CAST: variants seen among roughly 807,000 people sequenced by gnomAD.
The protein encoded by CAST is MIR583 host.
In CAST, 76 loss-of-function variants were observed where a neutral mutation model predicts 119.6. The observed-to-expected ratio is 0.64, with a 90% CI of 0.53 to 0.77. The LOEUF is 0.77. Ranked by LOEUF, CAST falls within the 30% of genes least tolerant of loss-of-function variation. The pLI is 0.00. For synonymous variants in CAST, 319 were observed against 331.6 expected (o/e 0.96, Z 0.41); for missense variants, 953 against 946.5 (o/e 1.01, Z -0.09).
intron 3 of CAST, among the ~76,000 whole-genome samples, chr5:96,713,385 C>T (rs975673718): frequency 2.0e-5 from 3 of 152,068 alleles, no homozygotes; most frequent in Admixed American, 6.6e-5. Context: ...CCCACCTCAG[C>T]CTCCCGAAGT....
chr5:96,712,317 CT>C (rs887300795), intron 3 of CAST, among the ~76,000 whole-genome samples: 1 of 152,054 alleles, frequency 6.6e-6, no homozygotes, highest in Non-Finnish European at 1.5e-5. Context: ...CATGACACAA[CT>C]TTTTTTCTTT....
the CAST span, among the ~76,000 whole-genome samples, chr5:96,390,055 T>C: frequency 6.6e-6 from 1 of 152,252 alleles, no homozygotes; most frequent in African/African-American, 2.4e-5. Context: ...ATGTTGGGAA[T>C]CATTTCTCTT....
At chr5:96,670,138 T>C (rs1179004569) in intron 1 of CAST, among the ~76,000 whole-genome samples, 2 of 152,086 alleles carry the variant, frequency 1.3e-5, no homozygotes, top group Non-Finnish European at 2.9e-5. Context: ...AAGATAACCT[T>C]TTATTGCTCC....
the CAST span, among the ~76,000 whole-genome samples, chr5:96,259,545 G>C: frequency 1.3e-5 from 2 of 152,166 alleles, no homozygotes; most frequent in African/African-American, 4.8e-5. Flanking sequence ...TGAAGCCATA[G>C]TTTTTGGAAG....
chr5:96,006,330 G>A, the CAST span, among the ~76,000 whole-genome samples: 1 of 150,884 alleles, frequency 6.6e-6, no homozygotes, highest in South Asian at 2.1e-4. Flanking sequence ...TGGGCCACAC[G>A]ATATACACTA....
chr5:96,649,494 G>T (rs764732473), intron 1 of CAST, among the ~76,000 whole-genome samples: 2 of 152,160 alleles, frequency 1.3e-5, no homozygotes, highest in African/African-American at 2.4e-5. Flanking sequence ...TGAAGTCAAC[G>T]GGCCTGATTT....
the CAST span, among the ~76,000 whole-genome samples, chr5:96,023,743 C>G: frequency 2.0e-5 from 3 of 151,794 alleles, no homozygotes; most frequent in South Asian, 6.2e-4. Flanking sequence ...TGTTATGAGT[C>G]AAGCTTACAG....
At chr5:96,552,997 A>G (rs1746164822) in intron 1 of CAST, among the ~76,000 whole-genome samples, 1 of 152,204 alleles carries the variant, frequency 6.6e-6, no homozygotes, top group Admixed American at 6.5e-5. Flanking sequence ...AGGAGCTGGT[A>G]TCATTCCTTC....
chr5:96,539,967 G>A (rs918728982), intron 1 of CAST, among the ~76,000 whole-genome samples: 3 of 151,474 alleles, frequency 2.0e-5, no homozygotes, highest in Non-Finnish European at 4.4e-5. Flanking sequence ...TTCTTCTTTG[G>A]TGGCTTATTG....
chr5:95,985,010 T>C, the CAST span, among the ~76,000 whole-genome samples: 1 of 152,226 alleles, frequency 6.6e-6, no homozygotes, highest in Non-Finnish European at 1.5e-5. Flanking sequence ...AAAAAATTTA[T>C]AGTTACCTAT....
chr5:96,206,939 A>G, the CAST span, among the ~76,000 whole-genome samples: 1 of 152,118 alleles, frequency 6.6e-6, no homozygotes, highest in Non-Finnish European at 1.5e-5. Flanking sequence ...ATCCATGAGC[A>G]TGGAATGTTT....
At chr5:96,239,151 A>T in the CAST span, among the ~76,000 whole-genome samples, 1 of 152,058 alleles carries the variant, frequency 6.6e-6, no homozygotes, top group Admixed American at 6.5e-5. Context: ...TAAAATTTTA[A>T]TTTTTTTAAT....
At chr5:96,443,473 A>G in the CAST span, among the ~76,000 whole-genome samples, 1 of 152,244 alleles carries the variant, frequency 6.6e-6, no homozygotes, top group Admixed American at 6.5e-5. Context: ...AGAAAGCCAC[A>G]TGCCAATTTT....
chr5:96,192,481 T>C, the CAST span, among the ~76,000 whole-genome samples: 19 of 152,314 alleles, frequency 1.2e-4, no homozygotes, highest in African/African-American at 4.3e-4. Context: ...GGGATGAACA[T>C]AGAACTGTCA....
chr5:96,620,491 G>T (rs1362999789), intron 1 of CAST, among the ~76,000 whole-genome samples: 3 of 152,064 alleles, frequency 2.0e-5, no homozygotes, highest in Admixed American at 2.0e-4. Context: ...ATATCATGAG[G>T]GTAAATAACC....
chr5:96,075,808 T>C, the CAST span, among the ~76,000 whole-genome samples: 2 of 152,176 alleles, frequency 1.3e-5, no homozygotes, highest in Admixed American at 1.3e-4. Flanking sequence ...GGTTAAATGA[T>C]CCCTTTAAGG....
the CAST span, among the ~76,000 whole-genome samples, chr5:96,045,366 A>AAAAAG: frequency 6.6e-6 from 1 of 151,872 alleles, no homozygotes; most frequent in Non-Finnish European, 1.5e-5. Flanking sequence ...GAAAAAAAAA[A>AAAAAG]AAAAGAAAAG....
intron 1 of CAST, among the ~76,000 whole-genome samples, chr5:96,663,999 A>C (rs986566860): frequency 6.6e-6 from 1 of 151,558 alleles, no homozygotes; most frequent in Admixed American, 6.6e-5. Context: ...CAAAATGTTT[A>C]TGTCTCATTG....
At chr5:96,086,293 A>G in the CAST span, among the ~76,000 whole-genome samples, 1 of 152,200 alleles carries the variant, frequency 6.6e-6, no homozygotes, top group Non-Finnish European at 1.5e-5. Context: ...ATAACTCAAA[A>G]TTAGTTTGAA....
Sources: allele counts gnomAD v4.1 joint callset (sites outside exome capture counted in the v4.1 genomes callset), GRCh38; gene constraint gnomAD v4.1.1; transcripts MANE v1.5; gene names NCBI Gene and HGNC (gene_info 2026-07-23, HGNC 2026-07-21).